Variants in SCEL observed in about 807,000 individuals in gnomAD.
SCEL encodes the protein sciellin.
A neutral mutation model predicts 117.6 loss-of-function variants in SCEL; 113 were observed. The observed-to-expected ratio is 0.96, with a 90% CI of 0.83 to 1.12. SCEL has a LOEUF of 1.12. SCEL is among the 50% of genes most tolerant of loss of function. SCEL has a pLI of 0.00. For synonymous variants in SCEL, 270 were observed against 256.2 expected, an observed-to-expected ratio of 1.05 and a Z score of -0.51; for missense variants, 785 against 810.8, an observed-to-expected ratio of 0.97 and a Z score of 0.39.
chr13:77,537,437 G>A (rs146684116), intron 1 of SCEL, among the ~76,000 whole-genome samples: 1,571 of 152,272 alleles, frequency 0.01, 19 homozygotes, highest in Non-Finnish European at 0.017. Flanking sequence ...CAATAAATGA[G>A]CCACACTCCA....
intron 18 of SCEL, among the ~76,000 whole-genome samples, chr13:77,604,083 A>C (rs2087928598): frequency 6.6e-6 from 1 of 152,228 alleles, no homozygotes. Context: ...ATCTGAAGGC[A>C]AAGTTGATTT....
chr13:77,628,162 ATG>A (rs1192487358), intron 28 of SCEL, among the ~76,000 whole-genome samples, 153 bp downstream of exon 28: 1 of 89,980 alleles, frequency 1.1e-5, no homozygotes, highest in Non-Finnish European at 2.6e-5. Flanking sequence ...GTGTATATAT[ATG>A]TGTGTGTATA....
chr13:77,586,726 G>A (rs572899573), intron 9 of SCEL, among the ~76,000 whole-genome samples: 8 of 152,272 alleles, frequency 5.3e-5, no homozygotes, highest in Non-Finnish European at 1.0e-4. Flanking sequence ...TGAGCCATTG[G>A]TATGGCCCAA....
chr13:77,537,848 C>G (rs1555499994), intron 1 of SCEL, among the ~76,000 whole-genome samples: 1 of 152,192 alleles, frequency 6.6e-6, no homozygotes, highest in Non-Finnish European at 1.5e-5. Context: ...ATTAAGCAAA[C>G]ATTGTTTAAC....
At chr13:77,557,108 A>C in intron 3 of SCEL, among the ~76,000 whole-genome samples, 1 of 152,354 alleles carries the variant, frequency 6.6e-6, no homozygotes, top group Middle Eastern at 3.4e-3. Flanking sequence ...GTGTAATTCC[A>C]AATTTAACAT....
chr13:77,559,418 AT>A (rs2154396186), intron 3 of SCEL, among the ~76,000 whole-genome samples: 1 of 152,322 alleles, frequency 6.6e-6, no homozygotes, highest in Non-Finnish European at 1.5e-5. Context: ...CTTAAACACA[AT>A]TTGTGGAAAG....
intron 1 of SCEL, among the ~76,000 whole-genome samples, chr13:77,538,629 A>G (rs2083537831): frequency 6.6e-6 from 1 of 152,172 alleles, no homozygotes; most frequent in Admixed American, 6.5e-5. Flanking sequence ...TCATCCTTTT[A>G]TTGTGATACT....
chr13:77,612,729 G>T (rs1334135760), intron 22 of SCEL, among the ~76,000 whole-genome samples, 162 bp from the exon 23 acceptor site: 1 of 151,864 alleles, frequency 6.6e-6, no homozygotes, highest in Non-Finnish European at 1.5e-5. Flanking sequence ...ATGTATGCAG[G>T]AAATGAATTG....
chr13:77,631,950 G>A (rs1289392391), intron 28 of SCEL, among the ~76,000 whole-genome samples: 1 of 152,172 alleles, frequency 6.6e-6, no homozygotes, highest in African/African-American at 2.4e-5. Context: ...GTTTTGGTGA[G>A]GCCTCTCTTA....
At chr13:77,634,592 T>A in intron 29 of SCEL, 142 bp downstream of exon 29, 1 of 528,944 alleles carries the variant, frequency 1.9e-6, no homozygotes, top group East Asian at 3.0e-5. Flanking sequence ...TATATATATA[T>A]AATTCTCTAT....
At chr13:77,559,472 A>G (rs2084851046) in intron 3 of SCEL, among the ~76,000 whole-genome samples, 1 of 152,184 alleles carries the variant, frequency 6.6e-6, no homozygotes, top group African/African-American at 2.4e-5. Context: ...CTTCTAATAC[A>G]TATAAAGTAA....
intron 27 of SCEL, among the ~76,000 whole-genome samples, chr13:77,622,416 C>A (rs1157170490): frequency 6.6e-6 from 1 of 152,026 alleles, no homozygotes; most frequent in Non-Finnish European, 1.5e-5. Flanking sequence ...CTATTTTTTT[C>A]CTTCACCTGC....
chr13:77,582,077 A>G (rs562932138), intron 9 of SCEL, among the ~76,000 whole-genome samples: 1 of 152,274 alleles, frequency 6.6e-6, no homozygotes, highest in East Asian at 1.9e-4. Context: ...CTGTCTTCAT[A>G]CTAGGCAGCC....
At chr13:77,609,010 A>G in intron 20 of SCEL, 48 bp from the exon 21 acceptor site, 1 of 1,419,618 alleles carries the variant, frequency 7.0e-7, no homozygotes, top group Non-Finnish European at 9.7e-7. Context: ...CAGTCAATTG[A>G]TTTAATTCCA....
At chr13:77,634,212 A>T (rs1220811480) in intron 28 of SCEL, among the ~76,000 whole-genome samples, 167 bp from the exon 29 acceptor site, 9 of 152,240 alleles carry the variant, frequency 5.9e-5, no homozygotes, top group Admixed American at 5.9e-4. Context: ...GAAGACAAAA[A>T]AATTTTTGCA....
At chr13:77,540,464 A>G (rs1214978921) in intron 1 of SCEL, among the ~76,000 whole-genome samples, 3 of 152,174 alleles carry the variant, frequency 2.0e-5, no homozygotes, top group African/African-American at 4.8e-5. Flanking sequence ...AGGGCTCATA[A>G]CTCAGCCTGG....
At chr13:77,551,644 T>A (rs2084329613) in intron 1 of SCEL, among the ~76,000 whole-genome samples, 1 of 152,084 alleles carries the variant, frequency 6.6e-6, no homozygotes, top group Admixed American at 6.6e-5. Context: ...ACCAGTCAGG[T>A]TGAATTAGTA....
intron 31 of SCEL, among the ~76,000 whole-genome samples, chr13:77,641,041 GA>G (rs541197621): frequency 4.6e-5 from 7 of 151,582 alleles, no homozygotes; most frequent in South Asian, 2.1e-4. Flanking sequence ...AAATCTGTGG[GA>G]AAAAAAACCC....
intron 1 of SCEL, among the ~76,000 whole-genome samples, chr13:77,537,757 G>A (rs757724761): frequency 6.6e-6 from 1 of 152,102 alleles, no homozygotes; most frequent in Non-Finnish European, 1.5e-5. Context: ...CATATTCCTG[G>A]GGACTATGTA....
Sources: gnomAD v4.1 joint callset for allele counts (sites outside exome capture counted in the v4.1 genomes callset) on GRCh38, gnomAD v4.1.1 for gene constraint, MANE v1.5 for transcripts, NCBI Gene and HGNC (gene_info 2026-07-23, HGNC 2026-07-21) for gene names.